Variants in SPINT2 observed in about 807,000 individuals in gnomAD.
The protein encoded by SPINT2 is serine peptidase inhibitor, Kunitz type 2.
SPINT2 carries 18 observed loss-of-function variants against 30.1 expected under a neutral mutation model. That is an observed-to-expected ratio of 0.60 (90% CI 0.41 to 0.89). SPINT2 has a LOEUF of 0.89. Ranked by LOEUF, SPINT2 falls within the 40% of genes least tolerant of loss-of-function variation. The probability of loss-of-function intolerance (pLI) is 0.00; values close to 1 mark genes in which losing one functional copy is unlikely to be tolerated. For missense variants in SPINT2, 276 were observed against 334.3 expected (o/e 0.83, Z 1.36); for synonymous variants, 139 against 137.9 (o/e 1.01, Z -0.05).
rs201192268 is a variant in SPINT2 at position 38,267,183 on chromosome 19, TCTGA to T, written c.106+2189_106+2192del. Among the ~76,000 whole-genome samples, 1,429 of 152,348 alleles carry T rather than the reference TCTGA, an allele frequency of 9.4e-3. 10 individuals carry two copies. The highest frequency in any genetic ancestry group is 0.02 in the Admixed American group (311 of 15,298). ...TACTGACCTTTCAGAAGTACTAGTG[TCTGA>T]CTGGGTGAACTCATGCCCTCACTCA... is the stretch of plus-strand genomic sequence containing the variant. On this transcript the variant is annotated intron_variant, in intron 1 of 6. Coordinates refer to ENST00000301244, the MANE Select transcript of SPINT2 (RefSeq NM_021102.4).
intron 1 of SPINT2, among the ~76,000 whole-genome samples, chr19:38,278,587 C>T (rs1968545646): frequency 6.6e-6 from 1 of 152,166 alleles, no homozygotes; most frequent in Non-Finnish European, 1.5e-5. Flanking sequence ...GAGGCGGAGG[C>T]AGCAGGATCA....
At position 38,283,606 on chromosome 19, in the gene SPINT2, G is replaced by A. The variant is rs368558072; in HGVS notation, c.107-21G>A. ...CCAGGATTGCCCTGCCAAGCTAACCGGGTTGTGCTTCGCGTTTCAGACTTC... is the reference window on the plus strand; with the variant it reads ...CCAGGATTGCCCTGCCAAGCTAACCAGGTTGTGCTTCGCGTTTCAGACTTC... On this transcript the variant is annotated intron_variant, in intron 1 of 6. Transcript: ENST00000301244. 221 of 1,613,748 alleles carry A rather than the reference G, an allele frequency of 1.4e-4. 3 individuals are homozygous for A. The South Asian group carries it at 2.2e-3, about 16-fold the overall frequency.
intron 1 of SPINT2, among the ~76,000 whole-genome samples, chr19:38,282,447 G>A (rs529375868): frequency 6.6e-6 from 1 of 152,324 alleles, no homozygotes; most frequent in African/African-American, 2.4e-5. Context: ...AGCAGACATG[G>A]AGCCACACAG....
intron 1 of SPINT2, among the ~76,000 whole-genome samples, chr19:38,269,740 A>AG (rs1411389654): frequency 2.7e-5 from 4 of 150,738 alleles, no homozygotes; most frequent in East Asian, 3.9e-4. Context: ...CCTCCCGAGT[A>AG]CTGGGACTAC....
At chr19:38,283,007 T>TC (rs997546720) in intron 1 of SPINT2, among the ~76,000 whole-genome samples, 4 of 116,874 alleles carry the variant, frequency 3.4e-5, no homozygotes, top group African/African-American at 1.2e-4. Flanking sequence ...TTGTTTTGTT[T>TC]TTTTTTTTTT....
intron 1 of SPINT2, among the ~76,000 whole-genome samples, chr19:38,282,987 G>A (rs1169120676): frequency 6.7e-6 from 1 of 149,630 alleles, no homozygotes; most frequent in Non-Finnish European, 1.5e-5. Flanking sequence ...AAGGGTCTTG[G>A]AGTCAGGTTT....
In SPINT2 at chr19:38,291,825, C is replaced by G. The variant is rs1968722610; in HGVS notation, c.593-15C>G. 1.2e-6 allele frequency: 2 copies of G among 1,611,534 alleles called. No homozygotes were observed. Among genetic ancestry groups the G allele is most frequent in the Admixed American group, 1.7e-5 (1 of 59,928 alleles). On this transcript the variant is annotated splice_polypyrimidine_tract_variant and intron_variant, in intron 6 of 6. Transcript: ENST00000301244. Reference sequence around the variant, plus strand: ...CCTTGCCTGGCCCGTCCTGAGGCCCCTCTCTCGTCCTCAGTGGTGGTTCTG... The same window carrying G: ...CCTTGCCTGGCCCGTCCTGAGGCCCGTCTCTCGTCCTCAGTGGTGGTTCTG...
At chr19:38,289,496 A>AAAC (rs1968686874) in intron 4 of SPINT2, 1 of 235,338 alleles carries the variant, frequency 4.2e-6, no homozygotes, top group African/African-American at 2.3e-5. Flanking sequence ...AAAAAAAAAA[A>AAAC]AAAAAAAAAA....
In SPINT2 at chr19:38,290,712, A is replaced by C. The variant is rs561509295; in HGVS notation, c.592+137A>C. ...TGGCAGAAAGTCATGTTTCTGCGTG[A>C]GAATGGCGAGGTGGTGGTTTGTCCC... is the stretch of plus-strand genomic sequence containing the variant. On this transcript the variant is annotated intron_variant, in intron 6 of 6. Transcript: ENST00000301244. This position sits in a 1 kb window ranked among gnomAD's most constrained non-coding sequence, Gnocchi z 4.3. The C allele has an allele frequency of 8.2e-7, 1 of 1,224,434 alleles. No homozygotes were observed. The highest frequency in any genetic ancestry group is 1.3e-5 in the South Asian group (1 of 77,220). The allele number at this position is 1,224,434 out of a possible 1,614,324, so 75.8% of individuals were successfully genotyped here.
Position 38,268,762 on chromosome 19 carries a change from C to T in SPINT2, c.106+3764C>T, listed in dbSNP as rs949385219. 2.4e-3 allele frequency among the ~76,000 whole-genome samples: 304 copies of T among 127,866 alleles called. 1 individual carries two copies. The highest frequency in any genetic ancestry group is 5.9e-3 in the East Asian group (22 of 3,732). 83.9% of individuals were successfully genotyped at this position (127,866 alleles called of 152,430 possible). A position where few individuals can be genotyped will look rare whatever the true frequency, so the allele number is the denominator to read the frequency against. On this transcript the variant is annotated intron_variant, in intron 1 of 6. Transcript: ENST00000301244. The stretch of plus-strand genomic sequence containing the variant: ...GTGAGACAGAGAGAGAGCATGCGCG[C>T]GCGCGTGTGTGTGTGTGTGTGTGTG...
rs1386633374 is a variant in SPINT2, at chr19:38,264,932, C to G, written c.40C>G (p.Leu14Val). ...CGGGCTGAGGCGGAGCCGGGCGTTT[C>G]TCGCCCTGCTGGGATCGCTGCTCCT... ...LCGLRRSRAF[L>V]ALLGSLLLSG... The change falls in exon 1 of 7, where the codon CTC (leucine) becomes GTC (valine). Residue 14 changes from leucine (L) to valine (V), a missense_variant. By Grantham distance (32) the Leu-to-Val change is conservative. Coordinates refer to ENST00000301244, the MANE Select transcript of SPINT2 (RefSeq NM_021102.4). 5 of 1,536,372 alleles carry G rather than the reference C, an allele frequency of 3.3e-6. No homozygotes were observed. In the South Asian group the frequency reaches 6.0e-5, roughly 18 times the overall value.
In SPINT2 at chr19:38,292,436, TC is replaced by T. The variant is rs1302865698; in HGVS notation, c.*434del. ...GTACAAGTTTAATAAAAAGGGGCCTTCCCCTTTAGAATAAATTTCAGCATGT... is the reference window on the plus strand; with the variant it reads ...GTACAAGTTTAATAAAAAGGGGCCTTCCCTTTAGAATAAATTTCAGCATGT... On this transcript the variant is annotated 3_prime_UTR_variant, in exon 7 of 7. Transcript: ENST00000301244. The T allele has an allele frequency of 6.0e-6, 1 of 165,818 alleles. No individual in the cohort carries two copies. The highest frequency in any genetic ancestry group is 1.3e-5 in the Non-Finnish European group (1 of 75,606). The allele number at this position is 165,818 out of a possible 1,614,324, so 10.3% of individuals were successfully genotyped here.
Position 38,291,875 on chromosome 19 carries a change from A to G in SPINT2, c.628A>G (p.Ile210Val). 6.2e-7 allele frequency: 1 copy of G among 1,613,246 alleles called. No homozygotes were observed. The highest frequency in any genetic ancestry group is 8.5e-7 in the Non-Finnish European group (1 of 1,179,916). The change falls in exon 7 of 7, where the codon ATC (isoleucine) becomes GTC (valine). Residue 210 changes from isoleucine to valine, a missense_variant. Transcript: ENST00000301244. ...VLAGLFVMVL[I>V]LFLGASMVYL... ...GGCGGGGCTGTTCGTGATGGTGTTG[A>G]TCCTCTTCCTGGGAGCCTCCATGGT... is the stretch of plus-strand genomic sequence containing the variant.
chr19:38,291,980 C>T lies in SPINT2; in HGVS notation c.733C>T (p.Leu245=), dbSNP rs778294793. ...VWSSGDDKEQ[L]VKNTYVL ...GAGCTCCGGAGATGACAAGGAGCAG[C>T]TGGTGAAGAACACATATGTCCTGTG... The change falls in exon 7 of 7, where the codon CTG becomes TTG. Residue 245 remains leucine, a synonymous_variant. Transcript: ENST00000301244. The T allele has an allele frequency of 6.2e-7, 1 of 1,614,132 alleles. No individual in the cohort carries two copies. The highest frequency in any genetic ancestry group is 8.5e-7 in the Non-Finnish European group (1 of 1,180,030).
At chr19:38,275,893 A>T (rs1968512399) in intron 1 of SPINT2, among the ~76,000 whole-genome samples, 1 of 150,608 alleles carries the variant, frequency 6.6e-6, no homozygotes, top group African/African-American at 2.4e-5. Context: ...ACGCCCGGCT[A>T]ATTTTGTATT....
chr19:38,286,669 G>C (rs76499875), intron 2 of SPINT2, among the ~76,000 whole-genome samples: 14,741 of 152,188 alleles, frequency 0.097, 802 homozygotes, highest in South Asian at 0.13. Context: ...TGTGGTCCCA[G>C]CTACTCCAGA....
rs141866998 is a variant in SPINT2, at chr19:38,291,149, G to T, written c.592+574G>T. 9.7e-3 allele frequency: 1,679 copies of T among 172,762 alleles called. 13 individuals are homozygous for T. The highest frequency in any genetic ancestry group is 0.021 in the Admixed American group (394 of 18,416). The allele number at this position is 172,762 out of a possible 1,614,324, so 10.7% of individuals were successfully genotyped here. A position where few individuals can be genotyped will look rare whatever the true frequency, so the allele number is the denominator to read the frequency against. On this transcript the variant is annotated intron_variant, in intron 6 of 6. Coordinates refer to ENST00000301244, the MANE Select transcript of SPINT2 (RefSeq NM_021102.4). Reference sequence around the variant, plus strand: ...CTAGCAGTGAAGCCTGGTTTGCCAGGCACGGGGCTGGGAAGCAAGCAGTCT... The same window carrying T: ...CTAGCAGTGAAGCCTGGTTTGCCAGTCACGGGGCTGGGAAGCAAGCAGTCT...
intron 4 of SPINT2, chr19:38,289,506 A>AAAAAC (rs1568344215): frequency 1.7e-5 from 4 of 241,612 alleles, no homozygotes; most frequent in African/African-American, 6.9e-5. Flanking sequence ...AAAAAAAAAA[A>AAAAAC]AAAAAAACTC....
chr19:38,271,159 T>G (rs1968450497), intron 1 of SPINT2, among the ~76,000 whole-genome samples: 1 of 152,206 alleles, frequency 6.6e-6, no homozygotes, highest in Non-Finnish European at 1.5e-5. Context: ...TTTTGAAGTT[T>G]ATTTGAAATA....
Sources: allele counts gnomAD v4.1 joint callset (sites outside exome capture counted in the v4.1 genomes callset), GRCh38; gene constraint gnomAD v4.1.1; non-coding constraint Gnocchi (gnomAD v3.1); transcripts MANE v1.5; gene names NCBI Gene and HGNC (gene_info 2026-07-23, HGNC 2026-07-21).